Variants in LHFPL6 observed in about 807,000 individuals in gnomAD.
LHFPL6 encodes LHFPL tetraspan subfamily member 6.
In LHFPL6, 9 loss-of-function variants were observed where a neutral mutation model predicts 20.6. That is an observed-to-expected ratio of 0.44 (90% confidence interval 0.26 to 0.76). LHFPL6 has a LOEUF of 0.76. Ranked by LOEUF, LHFPL6 falls within the 30% of genes least tolerant of loss-of-function variation. The pLI is 0.20. For synonymous variants in LHFPL6, 105 were observed against 98.7 expected, an observed-to-expected ratio of 1.06 and a Z score of -0.38; for missense variants, 218 against 253.5, an observed-to-expected ratio of 0.86 and a Z score of 0.95.
At chr13:39,540,216 T>C (rs1424991066) in intron 2 of LHFPL6, among the ~76,000 whole-genome samples, 1 of 152,122 alleles carries the variant, frequency 6.6e-6, no homozygotes, top group African/African-American at 2.4e-5. Flanking sequence ...ACAATTTTCA[T>C]GATAATATAT....
intron 2 of LHFPL6, among the ~76,000 whole-genome samples, chr13:39,496,733 A>C (rs1006263448): frequency 2.4e-4 from 36 of 152,186 alleles, no homozygotes; most frequent in Non-Finnish European, 4.1e-4. Context: ...ATTAGTGAAA[A>C]GGCTAATTAC....
intron 2 of LHFPL6, among the ~76,000 whole-genome samples, chr13:39,566,886 T>G (rs185548027): frequency 6.6e-6 from 1 of 152,218 alleles, no homozygotes; most frequent in African/African-American, 2.4e-5. Flanking sequence ...TAATAATACT[T>G]AATTTCTCTG....
intron 2 of LHFPL6, among the ~76,000 whole-genome samples, chr13:39,522,661 A>G (rs182236047): frequency 1.3e-5 from 2 of 152,294 alleles, no homozygotes; most frequent in Admixed American, 1.3e-4. Context: ...TCCCAGTTCA[A>G]ATTTCTCTTG....
At chr13:39,516,417 C>T (rs933831688) in intron 2 of LHFPL6, among the ~76,000 whole-genome samples, 1 of 152,220 alleles carries the variant, frequency 6.6e-6, no homozygotes, top group Non-Finnish European at 1.5e-5. Flanking sequence ...CATGGGGTAA[C>T]AAATCCCTCG....
At chr13:39,457,765 TC>T (rs1185456087) in intron 2 of LHFPL6, among the ~76,000 whole-genome samples, 26 of 152,166 alleles carry the variant, frequency 1.7e-4, no homozygotes, top group Non-Finnish European at 2.8e-4. Context: ...CCAAAATTCC[TC>T]AGGCCACACC....
At chr13:39,425,776 A>G (rs1020000440) in intron 2 of LHFPL6, among the ~76,000 whole-genome samples, 1 of 152,148 alleles carries the variant, frequency 6.6e-6, no homozygotes, top group African/African-American at 2.4e-5. Context: ...TCCTTTATCA[A>G]CATACAATAT....
Position 39,435,809 on chromosome 13 carries a change from G to A in LHFPL6, c.386-57283C>T, listed in dbSNP as rs530508704. On this transcript the variant is annotated intron_variant, in intron 2 of 3. Coordinates refer to ENST00000379589, the MANE Select transcript of LHFPL6 (RefSeq NM_005780.3). ...CACTTTAATAACTACATATTTGTATGAACCTGTATTTTCTTCATATTTTCA... is the reference window on the plus strand; with the variant it reads ...CACTTTAATAACTACATATTTGTATAAACCTGTATTTTCTTCATATTTTCA... Among the ~76,000 whole-genome samples the A allele has an allele frequency of 8.5e-5, 13 of 152,096 alleles. No homozygotes were observed. In the South Asian group the frequency reaches 2.7e-3, roughly 32 times the overall value.
intron 3 of LHFPL6, among the ~76,000 whole-genome samples, chr13:39,357,312 A>ACG (rs1484218810): frequency 2.0e-5 from 3 of 152,214 alleles, no homozygotes; most frequent in Non-Finnish European, 2.9e-5. Context: ...TGCATGATAA[A>ACG]ACCCTCAACA....
At chr13:39,366,834 C>A (rs1015243802) in intron 3 of LHFPL6, among the ~76,000 whole-genome samples, 4 of 152,144 alleles carry the variant, frequency 2.6e-5, no homozygotes, top group African/African-American at 9.7e-5. Context: ...ACTAAGGGAA[C>A]TCAAATCTTT....
intron 2 of LHFPL6, among the ~76,000 whole-genome samples, chr13:39,459,194 A>ATATG (rs1354270901): frequency 2.9e-5 from 4 of 136,070 alleles, no homozygotes; most frequent in African/African-American, 5.5e-5. Context: ...AAGTTCCTTA[A>ATATG]TGTGTGTGTG....
intron 2 of LHFPL6, among the ~76,000 whole-genome samples, chr13:39,561,753 A>C (rs1284958139): frequency 6.6e-6 from 1 of 152,204 alleles, no homozygotes; most frequent in Non-Finnish European, 1.5e-5. Flanking sequence ...CCATGGCACC[A>C]GGCCAGGAGT....
chr13:39,392,566 C>T (rs1331616195), intron 2 of LHFPL6, among the ~76,000 whole-genome samples: 1 of 152,012 alleles, frequency 6.6e-6, no homozygotes, highest in Non-Finnish European at 1.5e-5. Context: ...TGCACTCCAG[C>T]CTGGGCAACA....
intron 2 of LHFPL6, among the ~76,000 whole-genome samples, chr13:39,543,700 T>A (rs996349591): frequency 6.6e-6 from 1 of 151,890 alleles, no homozygotes; most frequent in African/African-American, 2.4e-5. Context: ...GGATTGGGAG[T>A]CAAGAGATGT....
intron 2 of LHFPL6, among the ~76,000 whole-genome samples, chr13:39,396,564 G>A (rs767557240): frequency 6.6e-5 from 10 of 152,104 alleles, no homozygotes; most frequent in Non-Finnish European, 1.5e-4. Flanking sequence ...AGGAGGCCAA[G>A]GCAGGAGGAT....
chr13:39,497,982 A>G (rs964607139), intron 2 of LHFPL6, among the ~76,000 whole-genome samples: 1 of 152,244 alleles, frequency 6.6e-6, no homozygotes. Context: ...TGCTCTTCTT[A>G]GCTACAACTG....
chr13:39,394,986 G>A (rs910400849), intron 2 of LHFPL6, among the ~76,000 whole-genome samples: 9 of 152,218 alleles, frequency 5.9e-5, no homozygotes, highest in East Asian at 3.9e-4. Context: ...TACCCTAAGC[G>A]TGAGACACCG....
chr13:39,511,644 T>G (rs1314740614), intron 2 of LHFPL6, among the ~76,000 whole-genome samples: 1 of 152,194 alleles, frequency 6.6e-6, no homozygotes, highest in Non-Finnish European at 1.5e-5. Context: ...TACAGAAGTT[T>G]TCCTTTATGA....
chr13:39,488,735 C>T (rs981108047), intron 2 of LHFPL6, among the ~76,000 whole-genome samples: 1 of 152,168 alleles, frequency 6.6e-6, no homozygotes, highest in African/African-American at 2.4e-5. Context: ...AAACATGAAG[C>T]AAAGTACATC....
At chr13:39,400,178 T>C (rs1263351777) in intron 2 of LHFPL6, among the ~76,000 whole-genome samples, 1 of 152,190 alleles carries the variant, frequency 6.6e-6, no homozygotes, top group East Asian at 1.9e-4. Flanking sequence ...AAATTATTAA[T>C]AGCCAAATTT....
Sources: allele counts gnomAD v4.1 joint callset (sites outside exome capture counted in the v4.1 genomes callset), GRCh38; gene constraint gnomAD v4.1.1; transcripts MANE v1.5; gene names NCBI Gene and HGNC (gene_info 2026-07-23, HGNC 2026-07-21).